Variants in KCND2 observed in about 807,000 individuals in gnomAD.
KCND2 encodes potassium voltage-gated channel subfamily D member 2.
KCND2 carries 16 observed loss-of-function variants against 54.4 expected under a neutral mutation model. The observed-to-expected ratio is 0.29, with a 90% CI of 0.20 to 0.45. The LOEUF is 0.45. Ranked by LOEUF, KCND2 falls within the 20% of genes least tolerant of loss-of-function variation. The probability of loss-of-function intolerance (pLI) is 1.00; values close to 1 mark genes in which losing one functional copy is unlikely to be tolerated. For missense variants in KCND2, 486 were observed against 824.2 expected (o/e 0.59, Z 5.02); for synonymous variants, 317 against 310.7 (o/e 1.02, Z -0.21).
At chr7:120,716,790 G>T (rs1584894579) in intron 1 of KCND2, among the ~76,000 whole-genome samples, 1 of 151,996 alleles carries the variant, frequency 6.6e-6, no homozygotes, top group Non-Finnish European at 1.5e-5. Context: ...TAATCCCAAA[G>T]AGATGCCTGT....
chr7:120,359,015 A>G (rs1321948308), intron 1 of KCND2, among the ~76,000 whole-genome samples: 1 of 152,216 alleles, frequency 6.6e-6, no homozygotes, highest in Non-Finnish European at 1.5e-5. Flanking sequence ...AGAGAGAAAG[A>G]GAAACCCTTA....
At chr7:120,344,838 G>T (rs1800291241) in intron 1 of KCND2, among the ~76,000 whole-genome samples, 2 of 152,082 alleles carry the variant, frequency 1.3e-5, no homozygotes, top group Admixed American at 6.6e-5. Context: ...AATAAATACT[G>T]AACTTCTATT....
rs2116244287 is a variant in KCND2 at position 120,275,594 on chromosome 7, C to T, written c.962C>T (p.Ala321Val). Residue 321 changes from alanine to valine, a missense_variant, in exon 1 of 6, where the codon GCC becomes GTC. Around this residue, in one of 7 missense-constraint regions of KCND2, gnomAD observed 12 missense variants for 67.0 expected, o/e 0.18. Transcript: ENST00000331113. ...CTGGGGTACACACTGAAGAGTTGTG[C>T]CTCAGAATTGGGCTTCTTGCTTTTC... ...RILGYTLKSCASELGFLLFSL... is the reference protein window; with the variant it reads ...RILGYTLKSCVSELGFLLFSL... 2 of 1,613,188 alleles carry T rather than the reference C, an allele frequency of 1.2e-6. No homozygotes were observed. Among genetic ancestry groups the T allele is most frequent in the South Asian group, 1.1e-5 (1 of 91,058 alleles).
chr7:120,468,540 A>G (rs1011786456), intron 1 of KCND2, among the ~76,000 whole-genome samples: 1 of 152,138 alleles, frequency 6.6e-6, no homozygotes, highest in Non-Finnish European at 1.5e-5. Flanking sequence ...TATACTTGTG[A>G]TATTCCTTTT....
chr7:120,597,810 TA>T (rs1792764420), intron 1 of KCND2, among the ~76,000 whole-genome samples: 1 of 152,256 alleles, frequency 6.6e-6, no homozygotes, highest in African/African-American at 2.4e-5. Flanking sequence ...TATACATATT[TA>T]GGAAATTAAG....
chr7:120,305,089 A>G (rs1462771153), intron 1 of KCND2, among the ~76,000 whole-genome samples: 1 of 152,168 alleles, frequency 6.6e-6, no homozygotes, highest in East Asian at 1.9e-4. Flanking sequence ...TTTCTTTATT[A>G]TTAAAGGAAG....
chr7:120,622,709 TCTCTCTCACA>T (rs1306759465), intron 1 of KCND2, among the ~76,000 whole-genome samples: 3 of 146,132 alleles, frequency 2.1e-5, no homozygotes, highest in African/African-American at 7.8e-5. Flanking sequence ...TCTCTCTCTC[TCTCTCTCACA>T]CACACACACA....
intron 1 of KCND2, among the ~76,000 whole-genome samples, chr7:120,682,635 A>T (rs1424606355): frequency 1.3e-5 from 2 of 152,146 alleles, no homozygotes; most frequent in East Asian, 1.9e-4. Context: ...AACATTATAC[A>T]GTGAAAGCTG....
intron 1 of KCND2, among the ~76,000 whole-genome samples, chr7:120,503,812 G>A (rs377372719): frequency 1.3e-5 from 2 of 151,810 alleles, no homozygotes; most frequent in Non-Finnish European, 2.9e-5. Context: ...GTCACTTTAC[G>A]CAATAGAATA....
intron 1 of KCND2, among the ~76,000 whole-genome samples, chr7:120,280,765 T>C (rs1799247590): frequency 6.6e-6 from 1 of 151,602 alleles, no homozygotes; most frequent in Non-Finnish European, 1.5e-5. Flanking sequence ...TTCACTTTTA[T>C]GCTCATTTTC....
At chr7:120,298,001 C>G (rs1799534423) in intron 1 of KCND2, among the ~76,000 whole-genome samples, 1 of 152,072 alleles carries the variant, frequency 6.6e-6, no homozygotes, top group African/African-American at 2.4e-5. Flanking sequence ...TATTCAACAT[C>G]TGGAATGTGG....
At chr7:120,354,829 A>T (rs1800474803) in intron 1 of KCND2, among the ~76,000 whole-genome samples, 1 of 152,246 alleles carries the variant, frequency 6.6e-6, no homozygotes, top group African/African-American at 2.4e-5. Context: ...TAGTAACTTT[A>T]ATTAAAAATT....
At chr7:120,449,994 A>C (rs1249828058) in intron 1 of KCND2, among the ~76,000 whole-genome samples, 1 of 152,266 alleles carries the variant, frequency 6.6e-6, no homozygotes, top group Admixed American at 6.5e-5. Flanking sequence ...ATTCTATTTA[A>C]GACACATTTA....
At chr7:120,458,307 A>G (rs752711112) in intron 1 of KCND2, among the ~76,000 whole-genome samples, 3 of 152,220 alleles carry the variant, frequency 2.0e-5, no homozygotes, top group Admixed American at 6.5e-5. Context: ...GTTTGGGTCT[A>G]AGACACAGGA....
At chr7:120,661,302 A>C (rs1791862883) in intron 1 of KCND2, among the ~76,000 whole-genome samples, 1 of 152,184 alleles carries the variant, frequency 6.6e-6, no homozygotes, top group African/African-American at 2.4e-5. Context: ...AGTCATGATT[A>C]TTAGTCATGG....
chr7:120,456,557 G>A (rs1802204154), intron 1 of KCND2, among the ~76,000 whole-genome samples: 1 of 152,070 alleles, frequency 6.6e-6, no homozygotes, highest in African/African-American at 2.4e-5. Flanking sequence ...CAATAATAAT[G>A]CAATTTCATT....
At chr7:120,535,624 A>G (rs1791896094) in intron 1 of KCND2, among the ~76,000 whole-genome samples, 1 of 152,192 alleles carries the variant, frequency 6.6e-6, no homozygotes, top group Admixed American at 6.6e-5. Context: ...CTGCTCACAA[A>G]GTACTATTCA....
intron 1 of KCND2, among the ~76,000 whole-genome samples, chr7:120,710,061 T>C (rs978217771): frequency 2.0e-5 from 3 of 152,182 alleles, no homozygotes; most frequent in Admixed American, 6.6e-5. Flanking sequence ...AAGCTGGCCC[T>C]GTATACATTC....
chr7:120,315,805 TG>T, intron 1 of KCND2, among the ~76,000 whole-genome samples: 2 of 146,022 alleles, frequency 1.4e-5, no homozygotes, highest in South Asian at 2.2e-4. Flanking sequence ...TGTGTGTGTG[TG>T]TGTGTGTGTG....
Sources: gnomAD v4.1 joint callset for allele counts (sites outside exome capture counted in the v4.1 genomes callset) on GRCh38, gnomAD v4.1.1 for gene constraint, gnomAD v4.1.1 regional missense constraint, MANE v1.5 for transcripts, NCBI Gene and HGNC (gene_info 2026-07-23, HGNC 2026-07-21) for gene names.